Variants in ANO10 observed in about 807,000 individuals in gnomAD.
The protein encoded by ANO10 is anoctamin 10, also known as anoctamin-10.
A neutral mutation model predicts 74.7 loss-of-function variants in ANO10; 77 were observed. That is an observed-to-expected ratio of 1.03 (90% CI 0.86 to 1.25). The LOEUF (loss-of-function observed/expected upper bound fraction) is 1.25. Ranked by LOEUF, ANO10 falls within the 50% of genes most tolerant of loss-of-function variation. The pLI is 0.00. For synonymous variants in ANO10, 279 were observed against 284.9 expected, an observed-to-expected ratio of 0.98 and a Z score of 0.21; for missense variants, 721 against 778.1, an observed-to-expected ratio of 0.93 and a Z score of 0.87.
chr3:43,680,587 C>T (rs1056825238), intron 1 of ANO10, among the ~76,000 whole-genome samples: 5 of 152,130 alleles, frequency 3.3e-5, no homozygotes, highest in African/African-American at 9.7e-5. Context: ...GAGACCACCA[C>T]AAAGATACTC....
intron 11 of ANO10, among the ~76,000 whole-genome samples, chr3:43,549,288 T>C (rs780498586): frequency 2.4e-5 from 3 of 125,226 alleles, no homozygotes; most frequent in Non-Finnish European, 1.6e-5. Flanking sequence ...AGGTACCAAA[T>C]TACCATCAGG....
At chr3:43,536,756 T>C (rs549126669) in intron 11 of ANO10, among the ~76,000 whole-genome samples, 11 of 152,162 alleles carry the variant, frequency 7.2e-5, no homozygotes, top group African/African-American at 1.2e-4. Context: ...TGGTTTTCGG[T>C]TGCCTTGTTC....
At chr3:43,485,019 G>A (rs1337890797) in intron 11 of ANO10, 3 of 1,456,732 alleles carry the variant, frequency 2.1e-6, no homozygotes, top group Non-Finnish European at 2.8e-6. Context: ...GGCTTGTGCT[G>A]ACGGCTCAGG....
chr3:43,370,269 T>C (rs1486514651), intron 12 of ANO10, among the ~76,000 whole-genome samples: 1 of 152,184 alleles, frequency 6.6e-6, no homozygotes, highest in East Asian at 1.9e-4. Context: ...CACTTAAGAA[T>C]CCTGAGACCT....
Position 43,457,598 on chromosome 3 carries a change from G to A in ANO10, c.1798-24871C>T, listed in dbSNP as rs572089227. On this transcript the variant is annotated intron_variant, in intron 11 of 12. Coordinates refer to ENST00000292246, the MANE Select transcript of ANO10 (RefSeq NM_018075.5). ...CCCTCCCTCAACATGTGGGGATCAC[G>A]GGTCCCTCCCTCAATATGTGGGAAT... 2.0e-5 allele frequency among the ~76,000 whole-genome samples: 3 copies of A among 152,238 alleles called. No individual in the cohort carries two copies. The East Asian group carries it at 5.8e-4, about 29-fold the overall frequency.
intron 11 of ANO10, among the ~76,000 whole-genome samples, chr3:43,534,822 A>G (rs1189128262): frequency 6.6e-6 from 1 of 152,150 alleles, no homozygotes; most frequent in Non-Finnish European, 1.5e-5. Flanking sequence ...AGAGAACCAT[A>G]TATGTAATTA....
intron 12 of ANO10, among the ~76,000 whole-genome samples, chr3:43,370,391 C>T (rs2091565809): frequency 6.6e-6 from 1 of 152,188 alleles, no homozygotes; most frequent in South Asian, 2.1e-4. Flanking sequence ...TTGTCTGTCA[C>T]CTTTCACAAA....
intron 11 of ANO10, among the ~76,000 whole-genome samples, chr3:43,502,363 C>T (rs988438361): frequency 1.3e-5 from 2 of 152,166 alleles, no homozygotes; most frequent in Non-Finnish European, 2.9e-5. Context: ...AGGTTTGGTG[C>T]CATCCTTGCT....
chr3:43,634,475 A>G (rs2083585480), intron 1 of ANO10, among the ~76,000 whole-genome samples: 1 of 152,186 alleles, frequency 6.6e-6, no homozygotes, highest in Non-Finnish European at 1.5e-5. Flanking sequence ...ACTTATATAT[A>G]AATGTTACAT....
At chr3:43,450,745 G>C (rs1451660137) in intron 11 of ANO10, among the ~76,000 whole-genome samples, 2 of 152,114 alleles carry the variant, frequency 1.3e-5, no homozygotes, top group Non-Finnish European at 2.9e-5. Context: ...AAGGTACCCT[G>C]CACTCTGGAA....
intron 11 of ANO10, among the ~76,000 whole-genome samples, chr3:43,523,994 G>A (rs2078075259): frequency 6.6e-6 from 1 of 152,026 alleles, no homozygotes; most frequent in Non-Finnish European, 1.5e-5. Context: ...CTCACCCAGG[G>A]GCCACAGTGG....
chr3:43,555,507 T>C (rs1372622523), intron 9 of ANO10, 38 bp from the exon 10 acceptor site: 3 of 1,590,290 alleles, frequency 1.9e-6, no homozygotes. Flanking sequence ...TTTAATATCA[T>C]ACAATAGGAA....
chr3:43,468,036 T>G (rs1164064817), intron 11 of ANO10, among the ~76,000 whole-genome samples: 1 of 152,240 alleles, frequency 6.6e-6, no homozygotes, highest in South Asian at 2.1e-4. Flanking sequence ...GGTTGTATAA[T>G]GTGAGTATCT....
chr3:43,597,729 T>G (rs2082157352), intron 4 of ANO10, among the ~76,000 whole-genome samples: 1 of 152,058 alleles, frequency 6.6e-6, no homozygotes, highest in Non-Finnish European at 1.5e-5. Context: ...ACTGGCACAT[T>G]GTGCACATGT....
At chr3:43,580,776 T>C (rs144141867) in intron 4 of ANO10, among the ~76,000 whole-genome samples, 245 of 152,188 alleles carry the variant, frequency 1.6e-3, no homozygotes, top group Non-Finnish European at 2.9e-3. Flanking sequence ...AAAAGCAATA[T>C]AGTGTATAAC....
At chr3:43,595,869 T>C (rs2082057525) in intron 4 of ANO10, among the ~76,000 whole-genome samples, 2 of 152,146 alleles carry the variant, frequency 1.3e-5, no homozygotes, top group South Asian at 4.1e-4. Context: ...AACCCCATCG[T>C]CTCAGCCAAA....
chr3:43,546,138 A>G (rs2079180774), intron 11 of ANO10, among the ~76,000 whole-genome samples: 2 of 152,228 alleles, frequency 1.3e-5, no homozygotes, highest in African/African-American at 4.8e-5. Flanking sequence ...GGTATAAACA[A>G]AACAAATATT....
At chr3:43,587,257 T>C (rs527629883) in intron 4 of ANO10, among the ~76,000 whole-genome samples, 1 of 152,186 alleles carries the variant, frequency 6.6e-6, no homozygotes, top group East Asian at 1.9e-4. Flanking sequence ...ACCTATAACA[T>C]ATGCCTACAG....
At chr3:43,546,042 G>C (rs1470895569) in intron 11 of ANO10, among the ~76,000 whole-genome samples, 1 of 152,112 alleles carries the variant, frequency 6.6e-6, no homozygotes, top group Non-Finnish European at 1.5e-5. Context: ...ATTTTAAACA[G>C]CTTGAGCTTG....
Sources: allele counts gnomAD v4.1 joint callset (sites outside exome capture counted in the v4.1 genomes callset), GRCh38; gene constraint gnomAD v4.1.1; transcripts MANE v1.5; gene names NCBI Gene and HGNC (gene_info 2026-07-23, HGNC 2026-07-21).